SMARCA1: variants seen among roughly 807,000 people sequenced by gnomAD.
SMARCA1 encodes SWI/SNF-related matrix-associated actin-dependent regulator of chromatin subfamily A member 1.
SMARCA1 carries 17 observed loss-of-function variants against 93.6 expected under a neutral mutation model. That is an observed-to-expected ratio of 0.18 (90% CI 0.12 to 0.27). The LOEUF (loss-of-function observed/expected upper bound fraction) is 0.27, where lower values mean the gene tolerates loss of function less well. SMARCA1 is among the 10% of genes least tolerant of loss of function. SMARCA1 has a pLI of 1.00. For missense variants in SMARCA1, 630 were observed against 819.0 expected, an observed-to-expected ratio of 0.77 and a Z score of 2.82; for synonymous variants, 271 against 271.4, an observed-to-expected ratio of 1.00 and a Z score of 0.01.
At chrX:129,512,325 T>C (rs1049521361) in intron 5 of SMARCA1, among the ~76,000 whole-genome samples, 7 of 112,064 alleles carry the variant, frequency 6.2e-5, no homozygotes, top group Non-Finnish European at 1.3e-4. Flanking sequence ...ATTTTCTGTG[T>C]GTTTGTTTTA....
intron 5 of SMARCA1, among the ~76,000 whole-genome samples, chrX:129,514,946 A>G (rs1478773589): frequency 9.0e-6 from 1 of 111,366 alleles, no homozygotes; most frequent in Non-Finnish European, 1.9e-5. Context: ...GCTATTCAGG[A>G]GACTGAGACA....
chrX:129,474,128 A>T (rs1429454094), intron 19 of SMARCA1, among the ~76,000 whole-genome samples: 1 of 111,738 alleles, frequency 8.9e-6, no homozygotes, highest in Non-Finnish European at 1.9e-5. Flanking sequence ...ATACCATAAG[A>T]TGTAAATTGT....
chrX:129,519,138 AT>A (rs1272138401), intron 1 of SMARCA1, among the ~76,000 whole-genome samples: 1 of 111,797 alleles, frequency 8.9e-6, no homozygotes, highest in Non-Finnish European at 1.9e-5. Context: ...AATGTTTGAT[AT>A]TTTTAAATTG....
At position 129,516,465 on chromosome X, in the gene SMARCA1, T is replaced by C; in HGVS notation, c.294A>G (p.Leu98=). The C allele has an allele frequency of 8.3e-7, 1 of 1,207,856 alleles. No homozygotes were observed. The highest frequency in any genetic ancestry group is 1.1e-6 in the Non-Finnish European group (1 of 893,861). Residue 98 remains leucine (L), a synonymous_variant, in exon 3 of 25, where the codon TTA becomes TTG. Transcript: ENST00000371121. ...KADRAKRFEF[L]LKQTELFAHF... The stretch of plus-strand genomic sequence containing the variant: ...GTGCAAAAAGTTCTGTCTGCTTCAG[T>C]AAAAATTCAAATCTCTTTGCTCGGT...
At chrX:129,495,598 G>A (rs1417749967) in intron 12 of SMARCA1, among the ~76,000 whole-genome samples, 1 of 110,035 alleles carries the variant, frequency 9.1e-6, no homozygotes, top group East Asian at 2.8e-4. Flanking sequence ...AGTCTTTACT[G>A]ACTAGCCTCA....
intron 19 of SMARCA1, among the ~76,000 whole-genome samples, chrX:129,479,312 TTAA>T (rs753452107): frequency 2.2e-3 from 240 of 111,360 alleles, no homozygotes; most frequent in Non-Finnish European, 3.7e-3. Flanking sequence ...TATTAAACAA[TTAA>T]TAATTATTGT....
In SMARCA1 at chrX:129,491,957, A is replaced by G; in HGVS notation, c.1799T>C (p.Val600Ala). 1 of 1,197,970 alleles carries G rather than the reference A, an allele frequency of 8.3e-7. No individual in the cohort carries two copies. Among genetic ancestry groups the G allele is most frequent in the Non-Finnish European group, 1.1e-6 (1 of 886,723 alleles). Residue 600 changes from valine to alanine, a missense_variant, in exon 14 of 25, where the codon GTT becomes GCT. Physicochemically the swap from Val to Ala is moderately conservative, Grantham distance 64. Coordinates refer to ENST00000371121, the MANE Select transcript of SMARCA1 (RefSeq NM_001282874.2). ...ILYDSDWNPQVDLQAMDRAHR... is the reference protein window; with the variant it reads ...ILYDSDWNPQADLQAMDRAHR... ...ATTACTAACCATAGCTTGTAGATCA[A>G]CCTGTGGGTTCCAGTCTGAATCATA...
chrX:129,517,648 A>G (rs1052956119), intron 2 of SMARCA1, among the ~76,000 whole-genome samples: 5 of 110,919 alleles, frequency 4.5e-5, no homozygotes, highest in African/African-American at 1.6e-4. Context: ...TTTCATCTAT[A>G]CTTATTTTTA....
At chrX:129,453,047 T>A (rs1038111618) in intron 23 of SMARCA1, among the ~76,000 whole-genome samples, 7 of 111,630 alleles carry the variant, frequency 6.3e-5, no homozygotes, top group Non-Finnish European at 1.1e-4. Flanking sequence ...ATGGCTAACT[T>A]TATTTATAAA....
intron 7 of SMARCA1, among the ~76,000 whole-genome samples, chrX:129,507,349 C>T (rs1934854761): frequency 9.0e-6 from 1 of 111,582 alleles, no homozygotes; most frequent in Non-Finnish European, 1.9e-5. Context: ...TAAGGTAGCC[C>T]CTCAATAAAA....
intron 12 of SMARCA1, among the ~76,000 whole-genome samples, chrX:129,495,491 G>T (rs958060671): frequency 9.0e-6 from 1 of 111,367 alleles, no homozygotes; most frequent in Admixed American, 9.6e-5. Flanking sequence ...GAGGAGCAAG[G>T]ACTACAGGTG....
intron 19 of SMARCA1, among the ~76,000 whole-genome samples, chrX:129,475,108 T>TA (rs202047039): frequency 0.071 from 7,567 of 107,149 alleles, 293 homozygotes; most frequent in Middle Eastern, 0.11. Context: ...ACACCTCCTA[T>TA]AAAAAAAAAC....
At chrX:129,515,858 T>C (rs1935178174) in intron 4 of SMARCA1, 36 bp downstream of exon 4, 2 of 1,157,901 alleles carry the variant, frequency 1.7e-6, no homozygotes, top group Non-Finnish European at 2.4e-6. Context: ...TAAAACTAAA[T>C]TGAAAAAGAA....
intron 1 of SMARCA1, among the ~76,000 whole-genome samples, chrX:129,521,352 T>G (rs376278134): frequency 9.0e-6 from 1 of 111,653 alleles, no homozygotes; most frequent in Non-Finnish European, 1.9e-5. Context: ...AGTATGCAAT[T>G]TAAAGTGTCA....
intron 12 of SMARCA1, among the ~76,000 whole-genome samples, chrX:129,494,557 G>C (rs1934250449): frequency 9.0e-6 from 1 of 111,428 alleles, no homozygotes; most frequent in Admixed American, 9.6e-5. Context: ...AAGGAACGGA[G>C]TGCCCATTGC....
rs139862410 is a variant in SMARCA1, at chrX:129,515,774, C to T, written c.543G>A (p.Gly181=). ...CTCGAATCTGATAATCTCTCAGTGG[C>T]CCCCCTTTCACATCTGGTGAAAAAA... ...FEVSPSYVKG[G]PLRDYQIRGL... The change falls in exon 5 of 25, where the codon GGG becomes GGA. Residue 181 remains glycine, a synonymous_variant. Transcript: ENST00000371121. 17 of 1,194,211 alleles carry T rather than the reference C, an allele frequency of 1.4e-5. No homozygotes were observed. Among genetic ancestry groups the T allele is most frequent in the South Asian group, 1.8e-5 (1 of 56,396 alleles).
intron 10 of SMARCA1, among the ~76,000 whole-genome samples, chrX:129,498,334 T>C (rs902693647): frequency 2.7e-5 from 3 of 112,103 alleles, no homozygotes; most frequent in Non-Finnish European, 5.6e-5. Context: ...TATCTGCTAA[T>C]TATCAGTAAC....
At chrX:129,506,015 A>C in intron 8 of SMARCA1, 65 bp downstream of exon 8, 1 of 843,644 alleles carries the variant, frequency 1.2e-6, no homozygotes, top group East Asian at 3.2e-5. Context: ...TCAATCTATA[A>C]TGTTTTAAAA....
chrX:129,480,704 A>G lies in SMARCA1; in HGVS notation c.2439T>C (p.Tyr813=), dbSNP rs1242104527. 2.0e-6 allele frequency: 2 copies of G among 999,535 alleles called. No individual in the cohort carries two copies. Among genetic ancestry groups the G allele is most frequent in the Middle Eastern group, 2.7e-4 (1 of 3,649 alleles). 82.4% of individuals were successfully genotyped at this position (999,535 alleles called of 1,213,427 possible). ...TCTTAAAAAATGGAAAAAATACCTTATAGCCTATTGTCTTCCGATAATAAA... is the reference window on the plus strand; with the variant it reads ...TCTTAAAAAATGGAAAAAATACCTTGTAGCCTATTGTCTTCCGATAATAAA... ...EILYYRKTIG[Y]KVPRNPDIPN... The change falls in exon 19 of 25, where the codon TAT becomes TAC. Residue 813 remains tyrosine (Y), a synonymous_variant. Coordinates refer to ENST00000371121, the MANE Select transcript of SMARCA1 (RefSeq NM_001282874.2).
Sources: gnomAD v4.1 joint callset for allele counts (sites outside exome capture counted in the v4.1 genomes callset) on GRCh38, gnomAD v4.1.1 for gene constraint, MANE v1.5 for transcripts, NCBI Gene and HGNC (gene_info 2026-07-23, HGNC 2026-07-21) for gene names.